Variants in EPRS1 observed in about 807,000 individuals in gnomAD.
EPRS1 encodes bifunctional glutamate/proline--tRNA ligase.
EPRS1 carries 107 observed loss-of-function variants against 188.3 expected under a neutral mutation model. The ratio of observed to expected loss-of-function variants is 0.57; its 90% CI spans 0.49 to 0.67. The LOEUF (loss-of-function observed/expected upper bound fraction) is 0.67, where lower values mean the gene tolerates loss of function less well. Ranked by LOEUF, EPRS1 falls within the 30% of genes least tolerant of loss-of-function variation. The pLI is 0.00. For synonymous variants in EPRS1, 596 were observed against 593.1 expected (o/e 1.00, Z -0.07); for missense variants, 1,577 against 1,802.2 (o/e 0.88, Z 2.26).
chr1:220,023,088 C>G (rs1661908817), intron 8 of EPRS1, among the ~76,000 whole-genome samples: 5 of 152,232 alleles, frequency 3.3e-5, no homozygotes, highest in African/African-American at 1.2e-4. Context: ...GCAGGATACT[C>G]TTGGATCCAA....
Position 219,972,065 on chromosome 1 carries a change from T to G in EPRS1, c.4323+4A>C. The stretch of plus-strand genomic sequence containing the variant: ...ATACTGAAAAGTTTTCCAAACTCTC[T>G]GACCTTTCCAGAATCTAGTATCTTC... On this transcript the variant is annotated splice_donor_region_variant and intron_variant, in intron 30 of 31. Transcript: ENST00000366923. 6.4e-7 allele frequency: 1 copy of G among 1,574,342 alleles called. No homozygotes were observed. The highest frequency in any genetic ancestry group is 8.6e-7 in the Non-Finnish European group (1 of 1,159,428).
In EPRS1 at chr1:219,984,275, A is replaced by G. The variant is rs772429620; in HGVS notation, c.3039-18T>C. On this transcript the variant is annotated intron_variant, in intron 20 of 31. Transcript: ENST00000366923. ...GACCCAACCTGCAGATGTGAAAAGT[A>G]AAAGATAAATATCTTCATTCAGCAA... 3.8e-6 allele frequency: 6 copies of G among 1,598,798 alleles called. No homozygotes were observed. The African/African-American group carries it at 5.4e-5, about 14-fold the overall frequency.
At chr1:220,009,272 C>T (rs1661555705) in intron 13 of EPRS1, among the ~76,000 whole-genome samples, 1 of 152,144 alleles carries the variant, frequency 6.6e-6, no homozygotes, top group Non-Finnish European at 1.5e-5. Flanking sequence ...TATAAAGCTA[C>T]AATTTAGAAT....
chr1:220,017,309 T>C (rs577124073), intron 12 of EPRS1, among the ~76,000 whole-genome samples: 2 of 152,354 alleles, frequency 1.3e-5, no homozygotes, highest in African/African-American at 4.8e-5. Flanking sequence ...GAGAGAGGAA[T>C]GTGTTGTTCA....
At position 219,988,808 on chromosome 1, in the gene EPRS1, C is replaced by A; in HGVS notation, c.2557G>T (p.Ala853Ser). 6.3e-7 allele frequency: 1 copy of A among 1,590,982 alleles called. No homozygotes were observed. Among genetic ancestry groups the A allele is most frequent in the Non-Finnish European group, 8.6e-7 (1 of 1,169,560 alleles). Reference sequence around the variant, plus strand: ...TTCAGGGACAGTAAGCATTCTACAGCTTCATTTATTTTAGCCTAAAATAAA... The same window carrying A: ...TTCAGGGACAGTAAGCATTCTACAGATTCATTTATTTTAGCCTAAAATAAA... ...EKSPKAKINE[A>S]VECLLSLKAQ... Residue 853 changes from alanine (A) to serine (S), a missense_variant, in exon 19 of 32, where the codon GCT (alanine) becomes TCT (serine). Ala to Ser is a moderately conservative substitution (Grantham distance 99). Around this residue, in one of 3 missense-constraint regions of EPRS1, gnomAD observed 1,278 missense variants for 1,457.4 expected, o/e 0.88. Coordinates refer to ENST00000366923, the MANE Select transcript of EPRS1 (RefSeq NM_004446.3).
chr1:219,992,237 A>G (rs1661137899), intron 18 of EPRS1, among the ~76,000 whole-genome samples: 1 of 152,222 alleles, frequency 6.6e-6, no homozygotes, highest in Non-Finnish European at 1.5e-5. Context: ...AAAAAATAAA[A>G]GAGCAAAGAT....
chr1:220,045,194 T>G (rs1662377928), intron 1 of EPRS1, among the ~76,000 whole-genome samples: 1 of 152,186 alleles, frequency 6.6e-6, no homozygotes, highest in Non-Finnish European at 1.5e-5. Context: ...TTATCATACA[T>G]ATGCATTAAC....
intron 9 of EPRS1, among the ~76,000 whole-genome samples, chr1:220,020,534 C>T (rs1215566421): frequency 2.0e-5 from 3 of 151,784 alleles, no homozygotes; most frequent in African/African-American, 7.2e-5. Context: ...TAGTAGGAAG[C>T]AATAAATAAT....
At chr1:220,041,566 C>A (rs186225592) in intron 1 of EPRS1, among the ~76,000 whole-genome samples, 1 of 151,968 alleles carries the variant, frequency 6.6e-6, no homozygotes, top group African/African-American at 2.4e-5. Context: ...ACAGGCCAGG[C>A]GCAGTGGTTC....
chr1:219,978,106 T>C (rs1358882391), intron 28 of EPRS1, among the ~76,000 whole-genome samples: 5 of 152,176 alleles, frequency 3.3e-5, no homozygotes, highest in African/African-American at 4.8e-5. Context: ...CAAACTGGTA[T>C]GAAACAATGT....
rs1250723883 is a variant in EPRS1, at chr1:219,991,822, T to C, written c.2542-2999A>G. 4.6e-5 allele frequency among the ~76,000 whole-genome samples: 7 copies of C among 152,148 alleles called. No homozygotes were observed. The South Asian group carries it at 1.0e-3, about 23-fold the overall frequency. The stretch of plus-strand genomic sequence containing the variant: ...AATCACAATTTACCTGCTATTTTTC[T>C]CTGATACAAATCAATTAACACAAAT... On this transcript the variant is annotated intron_variant, in intron 18 of 31. Coordinates refer to ENST00000366923, the MANE Select transcript of EPRS1 (RefSeq NM_004446.3).
At chr1:219,995,089 T>C (rs961779099) in intron 18 of EPRS1, among the ~76,000 whole-genome samples, 3 of 152,202 alleles carry the variant, frequency 2.0e-5, no homozygotes, top group African/African-American at 7.2e-5. Context: ...CAGTAGGCAT[T>C]CAATAAATGT....
chr1:220,013,711 T>C (rs1661649270), intron 12 of EPRS1, among the ~76,000 whole-genome samples: 1 of 152,180 alleles, frequency 6.6e-6, no homozygotes, highest in African/African-American at 2.4e-5. Context: ...AATTAGAGAT[T>C]GAGAGTGCCA....
At chr1:219,995,671 C>A (rs1352226760) in intron 18 of EPRS1, among the ~76,000 whole-genome samples, 1 of 151,994 alleles carries the variant, frequency 6.6e-6, no homozygotes, top group Non-Finnish European at 1.5e-5. Flanking sequence ...TGGTAAGAAC[C>A]GCAATTACTT....
intron 13 of EPRS1, among the ~76,000 whole-genome samples, chr1:220,008,570 C>T (rs887424281): frequency 2.0e-5 from 3 of 152,088 alleles, no homozygotes; most frequent in Admixed American, 1.3e-4. Context: ...AAATACTTTG[C>T]GACGGAAATG....
At chr1:219,983,847 C>T (rs561380153) in intron 21 of EPRS1, among the ~76,000 whole-genome samples, 6 of 149,408 alleles carry the variant, frequency 4.0e-5, no homozygotes, top group East Asian at 4.0e-4. Context: ...GAGCCAAGAT[C>T]GCACCACTGC....
chr1:220,040,492 T>G (rs1414306582), intron 1 of EPRS1, among the ~76,000 whole-genome samples: 1 of 152,204 alleles, frequency 6.6e-6, no homozygotes, highest in African/African-American at 2.4e-5. Context: ...GGTTTTGAAT[T>G]TGTTCAGCTT....
Position 220,030,467 on chromosome 1 carries a change from T to C in EPRS1, c.542A>G (p.Lys181Arg), listed in dbSNP as rs1463006919. ...TTKARVAPEK[K>R]QDVGKFVELP... ...CTCAACAAATTTCCCAACATCTTGC[T>C]TTTTCTCAGGTGCCTGAAAAACACA... is the stretch of plus-strand genomic sequence containing the variant. Residue 181 changes from lysine to arginine, a missense_variant, in exon 6 of 32, where the codon AAG (lysine) becomes AGG (arginine). Lys to Arg is a conservative substitution (Grantham distance 26). Around this residue, in one of 3 missense-constraint regions of EPRS1, gnomAD observed 1,278 missense variants for 1,457.4 expected, o/e 0.88. Coordinates refer to ENST00000366923, the MANE Select transcript of EPRS1 (RefSeq NM_004446.3). The C allele has an allele frequency of 1.2e-6, 2 of 1,613,788 alleles. No individual in the cohort carries two copies. Among genetic ancestry groups the C allele is most frequent in the Non-Finnish European group, 1.7e-6 (2 of 1,179,816 alleles).
At chr1:219,996,566 C>T (rs1248122929) in intron 18 of EPRS1, among the ~76,000 whole-genome samples, 1 of 152,202 alleles carries the variant, frequency 6.6e-6, no homozygotes, top group Non-Finnish European at 1.5e-5. Context: ...CACAGTAAAG[C>T]TTGAGAACCA....
Sources: allele counts gnomAD v4.1 joint callset (sites outside exome capture counted in the v4.1 genomes callset), GRCh38; gene constraint gnomAD v4.1.1; regional missense constraint gnomAD v4.1.1; transcripts MANE v1.5; gene names NCBI Gene and HGNC (gene_info 2026-07-23, HGNC 2026-07-21).